Variants in GALNT10 observed in about 807,000 individuals in gnomAD.
GALNT10 encodes the protein GalNAc transferase 10.
Under a neutral mutation model 75.0 loss-of-function variants are expected in GALNT10, and 41 were observed. The ratio of observed to expected loss-of-function variants is 0.55; its 90% CI spans 0.43 to 0.71. The LOEUF (loss-of-function observed/expected upper bound fraction) is 0.71. GALNT10 is among the 30% of genes least tolerant of loss of function. GALNT10 has a pLI of 0.00. For missense variants in GALNT10, 727 were observed against 818.5 expected (o/e 0.89, Z 1.36); for synonymous variants, 302 against 313.0 (o/e 0.96, Z 0.37).
chr5:154,314,977 G>A (rs140680639), intron 3 of GALNT10, among the ~76,000 whole-genome samples: 1 of 152,116 alleles, frequency 6.6e-6, no homozygotes, highest in South Asian at 2.1e-4. Flanking sequence ...TTGGTTCAGT[G>A]TTGATAGGGC....
At chr5:154,279,089 G>A (rs192983816) in intron 1 of GALNT10, among the ~76,000 whole-genome samples, 12 of 152,072 alleles carry the variant, frequency 7.9e-5, no homozygotes, top group African/African-American at 2.9e-4. Flanking sequence ...GGATCATATG[G>A]TAGTTCTACA....
At chr5:154,251,761 C>A (rs74615496) in intron 1 of GALNT10, among the ~76,000 whole-genome samples, 1 of 152,110 alleles carries the variant, frequency 6.6e-6, no homozygotes, top group Non-Finnish European at 1.5e-5. Flanking sequence ...TGGAATTCAT[C>A]ATTTCTCTAA....
chr5:154,364,761 A>G (rs1198629998), intron 4 of GALNT10, among the ~76,000 whole-genome samples: 1 of 152,144 alleles, frequency 6.6e-6, no homozygotes, highest in Non-Finnish European at 1.5e-5. Context: ...GCTCTCCGAC[A>G]CCTGACAACC....
At chr5:154,203,860 G>A (rs4958362) in intron 1 of GALNT10, among the ~76,000 whole-genome samples, 67,163 of 152,008 alleles carry the variant, frequency 0.44, 15,724 homozygotes, top group East Asian at 0.78. Context: ...GTTTTATGTG[G>A]TCTTTTAGTC....
intron 1 of GALNT10, among the ~76,000 whole-genome samples, chr5:154,280,035 A>C (rs1754015358): frequency 6.6e-6 from 1 of 152,246 alleles, no homozygotes; most frequent in South Asian, 2.1e-4. Context: ...TAAATGGATA[A>C]AGAAAATGTG....
In GALNT10 at chr5:154,191,036, C is replaced by T. The variant is rs964193136; in HGVS notation, c.159+11C>T. On this transcript the variant is annotated intron_variant, in intron 1 of 11. Coordinates refer to ENST00000297107, the MANE Select transcript of GALNT10 (RefSeq NM_198321.4). ...CCGGCGGCGGGACAGGTGAGTCCCC[C>T]CGTTGCTACAGGCCGGGAACACCCC... 1.4e-6 allele frequency: 2 copies of T among 1,410,180 alleles called. No homozygotes were observed. Among genetic ancestry groups the T allele is most frequent in the Admixed American group, 2.5e-5 (1 of 40,018 alleles). 87.4% of individuals were successfully genotyped at this position (1,410,180 alleles called of 1,614,324 possible). A position where few individuals can be genotyped will look rare whatever the true frequency, so the allele number is the denominator to read the frequency against.
In GALNT10 at chr5:154,376,493, C is replaced by G. The variant is rs1250131678; in HGVS notation, c.754+31C>G. The G allele has an allele frequency of 6.6e-7, 1 of 1,508,252 alleles. No individual in the cohort carries two copies. The highest frequency in any genetic ancestry group is 1.3e-5 in the South Asian group (1 of 77,940). 93.4% of individuals were successfully genotyped at this position (1,508,252 alleles called of 1,614,324 possible). A position where few individuals can be genotyped will look rare whatever the true frequency, so the allele number is the denominator to read the frequency against. ...GGAGCCCCTCCCACTTGGAGGGAGGCAAACTGCAATGAGCCAGTGCCAGTG... is the reference window on the plus strand; with the variant it reads ...GGAGCCCCTCCCACTTGGAGGGAGGGAAACTGCAATGAGCCAGTGCCAGTG... On this transcript the variant is annotated intron_variant, in intron 5 of 11. Coordinates refer to ENST00000297107, the MANE Select transcript of GALNT10 (RefSeq NM_198321.4). This position sits in a 1 kb window ranked among gnomAD's most constrained non-coding sequence, Gnocchi z 4.1.
intron 3 of GALNT10, among the ~76,000 whole-genome samples, chr5:154,322,417 C>A (rs529158067): frequency 6.6e-6 from 1 of 152,278 alleles, no homozygotes; most frequent in Non-Finnish European, 1.5e-5. Flanking sequence ...CAGAAAGGTT[C>A]TCTGCTTTTA....
chr5:154,216,807 G>T (rs1053924997), intron 1 of GALNT10, among the ~76,000 whole-genome samples: 1 of 152,020 alleles, frequency 6.6e-6, no homozygotes, highest in African/African-American at 2.4e-5. Flanking sequence ...GCACAAGAAG[G>T]CCTACTTACT....
chr5:154,410,008 T>C (rs986119487), intron 9 of GALNT10, among the ~76,000 whole-genome samples: 1 of 152,232 alleles, frequency 6.6e-6, no homozygotes, highest in African/African-American at 2.4e-5. Context: ...CATCTTTATA[T>C]TATGCAGTGA....
At chr5:154,259,344 T>A (rs1190975759) in intron 1 of GALNT10, among the ~76,000 whole-genome samples, 1 of 152,200 alleles carries the variant, frequency 6.6e-6, no homozygotes, top group Non-Finnish European at 1.5e-5. Context: ...AAGTGAGATG[T>A]TTACCTTCTC....
intron 1 of GALNT10, among the ~76,000 whole-genome samples, chr5:154,282,450 T>C (rs1392201702): frequency 6.6e-6 from 1 of 152,178 alleles, no homozygotes; most frequent in African/African-American, 2.4e-5. Context: ...TCATCTTTAT[T>C]CTGAGCAATC....
chr5:154,349,135 A>C (rs1454051643), intron 4 of GALNT10, among the ~76,000 whole-genome samples: 2 of 152,054 alleles, frequency 1.3e-5, no homozygotes, highest in Non-Finnish European at 2.9e-5. Context: ...AATAATCAGG[A>C]AAGGCTTCCT....
intron 1 of GALNT10, among the ~76,000 whole-genome samples, chr5:154,238,702 G>A (rs142642242): frequency 5.9e-5 from 9 of 152,280 alleles, no homozygotes; most frequent in Non-Finnish European, 1.3e-4. Context: ...CTGGGAAAGC[G>A]AAATTGGCCT....
chr5:154,202,534 A>G (rs1189334085), intron 1 of GALNT10, among the ~76,000 whole-genome samples: 3 of 152,248 alleles, frequency 2.0e-5, no homozygotes, highest in African/African-American at 4.8e-5. Flanking sequence ...ACTGAGGCTC[A>G]GGAAACTTAA....
intron 10 of GALNT10, among the ~76,000 whole-genome samples, chr5:154,414,382 G>C (rs1402419609): frequency 6.6e-6 from 1 of 152,204 alleles, no homozygotes; most frequent in Non-Finnish European, 1.5e-5. Flanking sequence ...AGGAACTGGA[G>C]TGCAAATTCA....
At chr5:154,353,110 C>T (rs944092599) in intron 4 of GALNT10, among the ~76,000 whole-genome samples, 3 of 152,114 alleles carry the variant, frequency 2.0e-5, no homozygotes, top group African/African-American at 4.8e-5. Context: ...TTCCTCCACA[C>T]GGATTGCTGT....
At chr5:154,204,229 G>C (rs980646514) in intron 1 of GALNT10, among the ~76,000 whole-genome samples, 5 of 152,162 alleles carry the variant, frequency 3.3e-5, no homozygotes, top group Non-Finnish European at 4.4e-5. Context: ...GATCCCTCCA[G>C]CTTTTGATAC....
chr5:154,315,340 G>C (rs961927262), intron 3 of GALNT10, among the ~76,000 whole-genome samples: 4 of 152,232 alleles, frequency 2.6e-5, no homozygotes, highest in Non-Finnish European at 5.9e-5. Flanking sequence ...ACACAGCCAA[G>C]CCCCGCAGGG....
Sources: allele counts gnomAD v4.1 joint callset (sites outside exome capture counted in the v4.1 genomes callset), GRCh38; gene constraint gnomAD v4.1.1; non-coding constraint Gnocchi (gnomAD v3.1); transcripts MANE v1.5; gene names NCBI Gene and HGNC (gene_info 2026-07-23, HGNC 2026-07-21).